CLCN3: variants seen among roughly 807,000 people sequenced by gnomAD.
The protein encoded by CLCN3 is Cl-/H+ antiporter 3, also known as H(+)/Cl(-) exchange transporter 3.
CLCN3 carries 16 observed loss-of-function variants against 83.4 expected under a neutral mutation model. The observed-to-expected ratio is 0.19, with a 90% confidence interval of 0.13 to 0.29. The LOEUF (loss-of-function observed/expected upper bound fraction) is 0.29. Among genes scored for constraint, CLCN3 ranks in the 10% least tolerant of loss-of-function variants. The pLI is 1.00. For synonymous variants in CLCN3, 322 were observed against 346.2 expected, an observed-to-expected ratio of 0.93 and a Z score of 0.78; for missense variants, 544 against 1,006.0, an observed-to-expected ratio of 0.54 and a Z score of 6.21.
At position 169,697,640 on chromosome 4, in the gene CLCN3, G is replaced by T. The variant is rs553052405; in HGVS notation, c.1469G>T (p.Arg490Leu). ...ASKIVDDIPDRPAGIGVYSAI... is the reference protein window; with the variant it reads ...ASKIVDDIPDLPAGIGVYSAI... ...AAAATTGTCGATGACATTCCTGATC[G>T]TCCAGCAGGCATTGGAGTATATTCA... Residue 490 changes from arginine to leucine, a missense_variant, in exon 9 of 13, where the codon CGT becomes CTT. Physicochemically the swap from Arg to Leu is moderately radical, Grantham distance 102. Around this residue, in one of 6 missense-constraint regions of CLCN3, gnomAD observed 194 missense variants for 341.4 expected, o/e 0.57. Coordinates refer to ENST00000513761, the MANE Select transcript of CLCN3 (RefSeq NM_001829.4). 3.7e-6 allele frequency: 6 copies of T among 1,613,824 alleles called. No individual in the cohort carries two copies. Among genetic ancestry groups the T allele is most frequent in the Non-Finnish European group, 4.2e-6 (5 of 1,179,756 alleles).
intron 9 of CLCN3, among the ~76,000 whole-genome samples, chr4:169,702,289 A>G (rs1732819375): frequency 6.6e-6 from 1 of 152,196 alleles, no homozygotes; most frequent in African/African-American, 2.4e-5. Flanking sequence ...TAACAAAAGT[A>G]CTATCTATGG....
intron 1 of CLCN3, among the ~76,000 whole-genome samples, chr4:169,634,085 A>G (rs1232615639): frequency 2.0e-5 from 3 of 152,176 alleles, no homozygotes; most frequent in African/African-American, 7.2e-5. Flanking sequence ...TAGGTGTCTC[A>G]AAGGTATTAT....
chr4:169,648,990 G>A (rs1730656311), intron 2 of CLCN3, among the ~76,000 whole-genome samples: 1 of 149,278 alleles, frequency 6.7e-6, no homozygotes, highest in East Asian at 2.0e-4. Flanking sequence ...TGGTGCCACT[G>A]TATTCCAGCC....
Position 169,697,837 on chromosome 4 carries a change from T to A in CLCN3, c.1563+103T>A, listed in dbSNP as rs1051296239. On this transcript the variant is annotated intron_variant, in intron 9 of 12. Transcript: ENST00000513761. ...TTTCATAAATGACTGAAAAAAGTAC[T>A]TATCTTTTGAGTTTAATTTTAAGTA... 23 of 763,812 alleles carry A rather than the reference T, an allele frequency of 3.0e-5. No homozygotes were observed. The African/African-American group carries it at 3.8e-4, about 13-fold the overall frequency. 47.3% of individuals were successfully genotyped at this position (763,812 alleles called of 1,614,324 possible). A position where few individuals can be genotyped will look rare whatever the true frequency, so the allele number is the denominator to read the frequency against.
At chr4:169,654,701 G>A (rs1730830874) in intron 2 of CLCN3, among the ~76,000 whole-genome samples, 1 of 151,984 alleles carries the variant, frequency 6.6e-6, no homozygotes, top group Non-Finnish European at 1.5e-5. Flanking sequence ...TTATTGCATC[G>A]CGGTCCGGGA....
At chr4:169,685,050 C>CT (rs1254802038) in intron 3 of CLCN3, among the ~76,000 whole-genome samples, 1 of 148,024 alleles carries the variant, frequency 6.8e-6, no homozygotes, top group Admixed American at 6.9e-5. Context: ...TTTCTGGCCT[C>CT]TAACAGTCCT....
intron 2 of CLCN3, among the ~76,000 whole-genome samples, chr4:169,670,658 A>G (rs1581229498): frequency 3.9e-5 from 6 of 152,292 alleles, no homozygotes; most frequent in Admixed American, 3.9e-4. Context: ...GAGGAAAGTC[A>G]ATGGTAGCTT....
intron 9 of CLCN3, among the ~76,000 whole-genome samples, chr4:169,701,228 ACTTT>A (rs2150260089): frequency 6.6e-6 from 1 of 152,344 alleles, no homozygotes; most frequent in African/African-American, 2.4e-5. Context: ...TCAAGAAACC[ACTTT>A]CTTTGCTCAT....
chr4:169,664,389 G>GT (rs1409846659), intron 2 of CLCN3, among the ~76,000 whole-genome samples: 1 of 152,052 alleles, frequency 6.6e-6, no homozygotes, highest in African/African-American at 2.4e-5. Context: ...CCTTTGAAAA[G>GT]TATCATTTTT....
Position 169,700,824 on chromosome 4 carries a change from G to A in CLCN3, c.1563+3090G>A, listed in dbSNP as rs187105659. Among the ~76,000 whole-genome samples the A allele has an allele frequency of 2.4e-3, 368 of 152,198 alleles. 1 individual carries two copies. The highest frequency in any genetic ancestry group is 7.9e-3 in the African/African-American group (328 of 41,538). ...AGTCTTATGTGTACAATAGCATTAT[G>A]TCTTTTAAAAAAGTAATACTTTAAT... is the stretch of plus-strand genomic sequence containing the variant. On this transcript the variant is annotated intron_variant, in intron 9 of 12. Transcript: ENST00000513761.
At chr4:169,704,718 C>G (rs1732924510) in intron 10 of CLCN3, among the ~76,000 whole-genome samples, 1 of 152,060 alleles carries the variant, frequency 6.6e-6, no homozygotes, top group Non-Finnish European at 1.5e-5. Context: ...AAGCAAAATA[C>G]CTACATTAAG....
intron 2 of CLCN3, among the ~76,000 whole-genome samples, chr4:169,660,749 G>A (rs1581217453): frequency 6.6e-6 from 1 of 152,138 alleles, no homozygotes; most frequent in Non-Finnish European, 1.5e-5. Context: ...GCCAACTAAA[G>A]TCGTGTTGGT....
intron 1 of CLCN3, among the ~76,000 whole-genome samples, chr4:169,626,099 C>T (rs1773227128): frequency 6.6e-6 from 1 of 152,226 alleles, no homozygotes; most frequent in Non-Finnish European, 1.5e-5. Context: ...ATAACACTGG[C>T]TATAAATCAG....
At chr4:169,672,609 A>AT (rs1157256912) in intron 2 of CLCN3, among the ~76,000 whole-genome samples, 1 of 152,092 alleles carries the variant, frequency 6.6e-6, no homozygotes, top group Non-Finnish European at 1.5e-5. Context: ...CATATATGTA[A>AT]TTTTTTGTAC....
chr4:169,639,486 T>C (rs1730339483), intron 2 of CLCN3, among the ~76,000 whole-genome samples: 1 of 152,224 alleles, frequency 6.6e-6, no homozygotes, highest in African/African-American at 2.4e-5. Context: ...CATTTTGATA[T>C]CCCTTTAGAA....
intron 2 of CLCN3, among the ~76,000 whole-genome samples, chr4:169,640,947 T>G (rs1200175047): frequency 6.6e-6 from 1 of 152,180 alleles, no homozygotes; most frequent in Non-Finnish European, 1.5e-5. Flanking sequence ...TATATCCTTT[T>G]TTATCACACC....
At chr4:169,656,371 G>A (rs1282746900) in intron 2 of CLCN3, among the ~76,000 whole-genome samples, 3 of 152,176 alleles carry the variant, frequency 2.0e-5, no homozygotes, top group Admixed American at 2.0e-4. Context: ...AAAGCAAGGA[G>A]GGCAGTGAGG....
chr4:169,662,654 G>A (rs1204198754), intron 2 of CLCN3: 1 of 152,142 alleles, frequency 6.6e-6, no homozygotes, highest in Non-Finnish European at 1.5e-5. Context: ...ATCCCTGAGT[G>A]CTATAGCCAA....
intron 3 of CLCN3, among the ~76,000 whole-genome samples, chr4:169,681,645 T>A (rs1731941986): frequency 6.6e-6 from 1 of 152,180 alleles, no homozygotes; most frequent in Admixed American, 6.5e-5. Context: ...CCAAGGAGGC[T>A]TTGTTTACGT....
Sources: gnomAD v4.1 joint callset for allele counts (sites outside exome capture counted in the v4.1 genomes callset) on GRCh38, gnomAD v4.1.1 for gene constraint, gnomAD v4.1.1 regional missense constraint, MANE v1.5 for transcripts, NCBI Gene and HGNC (gene_info 2026-07-23, HGNC 2026-07-21) for gene names.